XIRP2: variants seen among roughly 807,000 people sequenced by gnomAD.
The protein encoded by XIRP2 is xin actin-binding repeat-containing protein 2.
In XIRP2, 236 loss-of-function variants were observed where a neutral mutation model predicts 277.0. The ratio of observed to expected loss-of-function variants is 0.85; its 90% confidence interval spans 0.77 to 0.95. The LOEUF (loss-of-function observed/expected upper bound fraction) is 0.95, where lower values mean the gene tolerates loss of function less well. XIRP2 is among the 40% of genes least tolerant of loss of function. The pLI is 0.00. For synonymous variants in XIRP2, 1,490 were observed against 1,416.5 expected (o/e 1.05, Z -1.17); for missense variants, 4,640 against 4,157.5 (o/e 1.12, Z -3.19).
chr2:167,058,153 C>T (rs752332300), intron 2 of XIRP2, among the ~76,000 whole-genome samples: 16 of 151,916 alleles, frequency 1.1e-4, no homozygotes, highest in Non-Finnish European at 1.8e-4. Context: ...ACCTCCACCT[C>T]CCTGGCTCAA....
chr2:167,139,795 A>C (rs1691657662), intron 3 of XIRP2, among the ~76,000 whole-genome samples: 1 of 152,212 alleles, frequency 6.6e-6, no homozygotes, highest in South Asian at 2.1e-4. Context: ...TGTGCGGTCC[A>C]ATATGGTAAC....
intron 2 of XIRP2, among the ~76,000 whole-genome samples, chr2:166,940,964 C>A (rs1685693532): frequency 6.6e-6 from 1 of 152,170 alleles, no homozygotes; most frequent in African/African-American, 2.4e-5. Context: ...CCACTACTCT[C>A]TTCAAAGCTC....
At chr2:167,167,749 A>G (rs1287338931) in intron 3 of XIRP2, among the ~76,000 whole-genome samples, 1 of 152,192 alleles carries the variant, frequency 6.6e-6, no homozygotes, top group Non-Finnish European at 1.5e-5. Context: ...TATTGCTATT[A>G]TTATTTTGAA....
intron 3 of XIRP2, among the ~76,000 whole-genome samples, chr2:167,153,562 C>G (rs1574302495): frequency 6.6e-6 from 1 of 152,036 alleles, no homozygotes; most frequent in Admixed American, 6.6e-5. Context: ...TCCCCACTCC[C>G]CCCACCCCAC....
chr2:167,247,077 T>C lies in XIRP2; in HGVS notation c.5685T>C (p.Ile1895=), dbSNP rs758480143. 2.4e-5 allele frequency: 38 copies of C among 1,612,200 alleles called. No individual in the cohort carries two copies. Among genetic ancestry groups the C allele is most frequent in the Middle Eastern group, 1.7e-4 (1 of 6,042 alleles). The change falls in exon 9 of 11, where the codon ATT becomes ATC. Residue 1895 remains isoleucine (I), a synonymous_variant. Coordinates refer to ENST00000409195, the MANE Select transcript of XIRP2 (RefSeq NM_152381.6). ...AGCCTGATGCCATCCCTGGTGATAT[T>C]GAAAAAGCTATTGAATGCCTTGAAA... ...SKQPDAIPGD[I]EKAIECLEKA...
intron 2 of XIRP2, among the ~76,000 whole-genome samples, chr2:167,062,905 A>T (rs774579392): frequency 2.0e-5 from 3 of 151,106 alleles, no homozygotes; most frequent in Non-Finnish European, 3.0e-5. Flanking sequence ...TTTTGGGTTG[A>T]TTGATTTTTT....
rs1559043630 is a variant in XIRP2 at position 167,249,287 on chromosome 2, C to T, written c.7895C>T (p.Thr2632Ile). The T allele has an allele frequency of 6.2e-7, 1 of 1,613,794 alleles. No individual in the cohort carries two copies. ...GVCSDNQLST[T>I]SPETVAAKRL... The stretch of plus-strand genomic sequence containing the variant: ...TGTTCTGATAACCAACTCTCCACAA[C>T]ATCGCCAGAAACAGTCGCTGCCAAG... Residue 2632 changes from threonine (T) to isoleucine (I), a missense_variant, in exon 9 of 11, where the codon ACA (threonine) becomes ATA (isoleucine). By Grantham distance (89) the Thr-to-Ile change is moderately conservative. Transcript: ENST00000409195.
intron 2 of XIRP2, among the ~76,000 whole-genome samples, chr2:167,131,410 A>G (rs1691372826): frequency 6.6e-6 from 1 of 152,130 alleles, no homozygotes; most frequent in Admixed American, 6.6e-5. Context: ...TTACTGCTCT[A>G]TTCCTCCCAT....
chr2:166,926,294 C>G (rs1170389941), intron 2 of XIRP2, among the ~76,000 whole-genome samples: 1 of 151,996 alleles, frequency 6.6e-6, no homozygotes, highest in Non-Finnish European at 1.5e-5. Context: ...CATTATTGTG[C>G]CAACTGTAAA....
chr2:167,173,150 A>G (rs1041397682), intron 3 of XIRP2, among the ~76,000 whole-genome samples: 2 of 152,128 alleles, frequency 1.3e-5, no homozygotes, highest in Non-Finnish European at 2.9e-5. Flanking sequence ...ATGCTATTTT[A>G]TTTTTAAATG....
chr2:166,966,577 C>T (rs1686439621), intron 2 of XIRP2, among the ~76,000 whole-genome samples: 1 of 151,888 alleles, frequency 6.6e-6, no homozygotes, highest in Non-Finnish European at 1.5e-5. Context: ...CTTCTCCCAC[C>T]TCACTTTTGC....
chr2:167,210,632 T>G, intron 3 of XIRP2, 103 bp from the exon 4 acceptor site: 1 of 1,428,686 alleles, frequency 7.0e-7, no homozygotes, highest in Non-Finnish European at 9.6e-7. Context: ...TACAGTCCAT[T>G]TTACGAGATC....
chr2:167,246,069 C>T lies in XIRP2; in HGVS notation c.4677C>T (p.Leu1559=). 1 of 1,613,548 alleles carries T rather than the reference C, an allele frequency of 6.2e-7. No individual in the cohort carries two copies. Among genetic ancestry groups the T allele is most frequent in the Non-Finnish European group, 8.5e-7 (1 of 1,179,744 alleles). The change falls in exon 9 of 11, where the codon CTC becomes CTT. Residue 1559 remains leucine, a synonymous_variant. Coordinates refer to ENST00000409195, the MANE Select transcript of XIRP2 (RefSeq NM_152381.6). ...GKSIKETLED[L]YSQKVIQAPG... is the part of the protein sequence containing the mutation. ...GCATTAAAGAAACCTTAGAAGATCT[C>T]TACTCTCAAAAAGTTATCCAGGCTC...
chr2:167,186,707 C>T (rs969743836), intron 3 of XIRP2, among the ~76,000 whole-genome samples: 10 of 152,140 alleles, frequency 6.6e-5, no homozygotes, highest in Non-Finnish European at 8.8e-5. Flanking sequence ...CTTGCTCTTC[C>T]TCATGCTGAA....
chr2:167,082,472 G>T (rs976674550), intron 2 of XIRP2, among the ~76,000 whole-genome samples: 11 of 151,904 alleles, frequency 7.2e-5, no homozygotes, highest in African/African-American at 2.7e-4. Context: ...GTAATGGGAT[G>T]GCTGGGTCAA....
intron 2 of XIRP2, among the ~76,000 whole-genome samples, chr2:167,084,639 GA>G (rs1450134198): frequency 6.6e-6 from 1 of 151,952 alleles, no homozygotes; most frequent in African/African-American, 2.4e-5. Flanking sequence ...GGTCTATTCA[GA>G]GATTCAACTT....
chr2:167,212,070 A>G (rs1694061858), intron 4 of XIRP2, among the ~76,000 whole-genome samples: 1 of 152,212 alleles, frequency 6.6e-6, no homozygotes. Context: ...TGACTGTGCC[A>G]AACTCATTTA....
intron 3 of XIRP2, among the ~76,000 whole-genome samples, chr2:167,202,819 G>A (rs1693761052): frequency 6.6e-6 from 1 of 152,110 alleles, no homozygotes; most frequent in Non-Finnish European, 1.5e-5. Flanking sequence ...GTCCAAAGTG[G>A]GTTTCACTGA....
At chr2:166,971,725 T>C (rs1686582811) in intron 2 of XIRP2, among the ~76,000 whole-genome samples, 1 of 152,122 alleles carries the variant, frequency 6.6e-6, no homozygotes, top group Non-Finnish European at 1.5e-5. Context: ...GAATATTTAA[T>C]GAAAAATATT....
Sources: gnomAD v4.1 joint callset for allele counts (sites outside exome capture counted in the v4.1 genomes callset) on GRCh38, gnomAD v4.1.1 for gene constraint, MANE v1.5 for transcripts, NCBI Gene and HGNC (gene_info 2026-07-23, HGNC 2026-07-21) for gene names.